Variants in REDIC1 observed in about 807,000 individuals in gnomAD.
The protein encoded by REDIC1 is HEI10 Interacting Protein 1.
At chr12:39,727,359 T>C in the REDIC1 span, among the ~76,000 whole-genome samples, 1 of 152,214 alleles carries the variant, frequency 6.6e-6, no homozygotes, top group Non-Finnish European at 1.5e-5. Flanking sequence ...AGTTTCAGTT[T>C]TCTGCATATG....
At chr12:39,670,981 C>G in the REDIC1 span, among the ~76,000 whole-genome samples, 3 of 151,970 alleles carry the variant, frequency 2.0e-5, no homozygotes, top group African/African-American at 7.2e-5. Flanking sequence ...TCTTTGTTAT[C>G]TCACTGAGCT....
chr12:39,745,665 C>T, the REDIC1 span, among the ~76,000 whole-genome samples: 3 of 152,138 alleles, frequency 2.0e-5, no homozygotes, highest in Non-Finnish European at 4.4e-5. Flanking sequence ...TAGATTTTCC[C>T]ACTTAACAGG....
At chr12:39,799,914 C>T in the REDIC1 span, among the ~76,000 whole-genome samples, 1 of 152,180 alleles carries the variant, frequency 6.6e-6, no homozygotes, top group Non-Finnish European at 1.5e-5. Flanking sequence ...AATAATGTGT[C>T]ACCTGTCAGA....
At chr12:39,751,498 T>A in the REDIC1 span, among the ~76,000 whole-genome samples, 1 of 152,212 alleles carries the variant, frequency 6.6e-6, no homozygotes, top group Non-Finnish European at 1.5e-5. Context: ...GTGTGGCGAT[T>A]CCTCAAGGAT....
the REDIC1 span, among the ~76,000 whole-genome samples, chr12:39,630,941 A>G: frequency 7.0e-4 from 107 of 152,314 alleles, no homozygotes; most frequent in Non-Finnish European, 1.1e-3. Context: ...TGCCCAGTTT[A>G]GCATTTGTCT....
At chr12:39,902,035 C>T in the REDIC1 span, among the ~76,000 whole-genome samples, 1 of 152,114 alleles carries the variant, frequency 6.6e-6, no homozygotes, top group Non-Finnish European at 1.5e-5. Flanking sequence ...AGTTCATGTC[C>T]TTTGTAGGGA....
the REDIC1 span, among the ~76,000 whole-genome samples, chr12:39,629,806 C>G: frequency 8.5e-5 from 13 of 152,176 alleles, no homozygotes; most frequent in African/African-American, 2.4e-4. Flanking sequence ...TCCCAAACTA[C>G]TGTCTCTTTG....
At chr12:39,683,142 T>C in the REDIC1 span, 4 of 1,589,672 alleles carry the variant, frequency 2.5e-6, no homozygotes, top group South Asian at 3.4e-5. Flanking sequence ...AAAGAAAAGG[T>C]TGGTATTGTA....
the REDIC1 span, among the ~76,000 whole-genome samples, chr12:39,737,749 C>T: frequency 6.6e-6 from 1 of 152,320 alleles, no homozygotes; most frequent in East Asian, 1.9e-4. Flanking sequence ...CCTGGTTTTG[C>T]TGTTAACCAT....
At chr12:39,883,615 C>G in the REDIC1 span, among the ~76,000 whole-genome samples, 2 of 152,234 alleles carry the variant, frequency 1.3e-5, no homozygotes, top group Admixed American at 1.3e-4. Context: ...AAACACTGCT[C>G]TTGGCACTGA....
the REDIC1 span, among the ~76,000 whole-genome samples, chr12:39,665,872 T>C: frequency 6.6e-6 from 1 of 152,174 alleles, no homozygotes. Flanking sequence ...TGGCTCTGTT[T>C]GTCTGTTATT....
the REDIC1 span, among the ~76,000 whole-genome samples, chr12:39,706,422 C>A: frequency 1.1e-4 from 16 of 151,902 alleles, no homozygotes; most frequent in Admixed American, 6.6e-5. Flanking sequence ...ATCAAAATAC[C>A]AATGACATTA....
At chr12:39,863,690 A>G in the REDIC1 span, among the ~76,000 whole-genome samples, 2 of 152,176 alleles carry the variant, frequency 1.3e-5, no homozygotes, top group African/African-American at 4.8e-5. Context: ...TAAAAAGACT[A>G]TGAAAGTCAG....
chr12:39,640,420 T>TACC, the REDIC1 span, among the ~76,000 whole-genome samples: 1 of 151,928 alleles, frequency 6.6e-6, no homozygotes, highest in African/African-American at 2.4e-5. Flanking sequence ...TTATAGTATT[T>TACC]TGTTATAGCA....
the REDIC1 span, among the ~76,000 whole-genome samples, chr12:39,698,418 CT>C: frequency 0.79 from 120,557 of 152,088 alleles, 48,516 homozygotes; most frequent in Non-Finnish European, 0.86. Context: ...CAACATTCCT[CT>C]TTTCAGCATT....
chr12:39,896,363 T>C, the REDIC1 span, among the ~76,000 whole-genome samples: 3 of 141,968 alleles, frequency 2.1e-5, no homozygotes, highest in Admixed American at 7.1e-5. Flanking sequence ...TATATGTGTA[T>C]ATATGTATAC....
chr12:39,896,262 G>GCATA, the REDIC1 span, among the ~76,000 whole-genome samples: 1 of 71,456 alleles, frequency 1.4e-5, no homozygotes, highest in Non-Finnish European at 3.1e-5. Context: ...GTATGTATAT[G>GCATA]TGTGTATATA....
the REDIC1 span, among the ~76,000 whole-genome samples, chr12:39,773,964 G>T: frequency 2.6e-5 from 4 of 152,274 alleles, no homozygotes. Context: ...AGTGAAGCAC[G>T]ATTTTATTTC....
the REDIC1 span, among the ~76,000 whole-genome samples, chr12:39,815,989 T>C: frequency 3.3e-5 from 5 of 152,224 alleles, no homozygotes; most frequent in African/African-American, 1.2e-4. Flanking sequence ...TTCAATTAGA[T>C]GTTCAAGTCT....
Sources: allele counts gnomAD v4.1 joint callset (sites outside exome capture counted in the v4.1 genomes callset), GRCh38; gene constraint gnomAD v4.1.1; transcripts MANE v1.5; gene names NCBI Gene and HGNC (gene_info 2026-07-23, HGNC 2026-07-21).